Variants in NALF1 observed in about 807,000 individuals in gnomAD.
NALF1 encodes the protein NALCN channel auxiliary factor 1.
A neutral mutation model predicts 48.4 loss-of-function variants in NALF1; 3 were observed. The observed-to-expected ratio is 0.06, with a 90% CI of 0.03 to 0.16. The LOEUF (loss-of-function observed/expected upper bound fraction) is 0.16. NALF1 is among the 10% of genes least tolerant of loss of function. The pLI is 1.00. For synonymous variants in NALF1, 262 were observed against 245.7 expected, an observed-to-expected ratio of 1.07 and a Z score of -0.62; for missense variants, 526 against 571.5, an observed-to-expected ratio of 0.92 and a Z score of 0.81.
chr13:107,298,129 C>T (rs1445376274), intron 1 of NALF1, among the ~76,000 whole-genome samples: 4 of 151,808 alleles, frequency 2.6e-5, no homozygotes, highest in Non-Finnish European at 4.4e-5. Flanking sequence ...GCGGGTGGAA[C>T]ACGAGGTCAG....
intron 1 of NALF1, among the ~76,000 whole-genome samples, chr13:107,733,557 G>A (rs537898628): frequency 6.6e-6 from 1 of 152,014 alleles, no homozygotes; most frequent in Non-Finnish European, 1.5e-5. Context: ...AATAGTCAAA[G>A]AGAGTAACAC....
intron 1 of NALF1, among the ~76,000 whole-genome samples, chr13:107,624,602 T>C (rs908576225): frequency 5.9e-5 from 9 of 152,198 alleles, no homozygotes; most frequent in African/African-American, 2.2e-4. Flanking sequence ...AGCACTTTAA[T>C]ATATAGATGT....
At chr13:107,613,080 T>C (rs1359286458) in intron 1 of NALF1, among the ~76,000 whole-genome samples, 2 of 151,768 alleles carry the variant, frequency 1.3e-5, no homozygotes, top group Non-Finnish European at 2.9e-5. Context: ...GGGATGGGCA[T>C]CAAAGGTGAG....
intron 1 of NALF1, among the ~76,000 whole-genome samples, chr13:107,807,434 G>A (rs77421364): frequency 0.019 from 2,941 of 152,260 alleles, 113 homozygotes; most frequent in African/African-American, 0.068. Flanking sequence ...ACCAATATGT[G>A]AAAATTTTCA....
At chr13:107,753,494 C>CT (rs200846121) in intron 1 of NALF1, among the ~76,000 whole-genome samples, 5,543 of 137,052 alleles carry the variant, frequency 0.04, 276 homozygotes, top group African/African-American at 0.13. Context: ...CCAAGGCAGT[C>CT]TTTTTTTTTT....
chr13:107,666,505 G>A lies in NALF1; in HGVS notation c.915+199177C>T, dbSNP rs146886772. On this transcript the variant is annotated intron_variant, in intron 1 of 2. Coordinates refer to ENST00000375915, the MANE Select transcript of NALF1 (RefSeq NM_001080396.3). ...GTCTGCAGCTAATATAGGTGCCACC[G>A]TTTTGGCACCCACGGGGTGGAAAGT... Among the ~76,000 whole-genome samples the A allele has an allele frequency of 7.6e-3, 1,159 of 152,130 alleles. 18 individuals are homozygous for A. The highest frequency in any genetic ancestry group is 0.027 in the African/African-American group (1,112 of 41,516).
intron 1 of NALF1, among the ~76,000 whole-genome samples, chr13:107,482,695 G>A (rs1003036970): frequency 6.6e-6 from 1 of 152,122 alleles, no homozygotes; most frequent in Non-Finnish European, 1.5e-5. Context: ...TGGGTAAACA[G>A]AAATATATTT....
chr13:107,773,986 T>G (rs1877654921), intron 1 of NALF1, among the ~76,000 whole-genome samples: 1 of 150,084 alleles, frequency 6.7e-6, no homozygotes, highest in Admixed American at 6.7e-5. Flanking sequence ...GATTTCCCCC[T>G]TAAATGATCA....
intron 1 of NALF1, among the ~76,000 whole-genome samples, chr13:107,638,685 G>C (rs974142141): frequency 2.0e-5 from 3 of 152,182 alleles, no homozygotes; most frequent in Admixed American, 1.3e-4. Flanking sequence ...TTCTACAGTA[G>C]AGTCAGGAAG....
chr13:107,304,604 C>A lies in NALF1; in HGVS notation c.916-93849G>T, dbSNP rs117042290. Among the ~76,000 whole-genome samples, 629 of 152,276 alleles carry A rather than the reference C, an allele frequency of 4.1e-3. 3 individuals carry two copies. Among genetic ancestry groups the A allele is most frequent in the Admixed American group, 6.5e-3 (99 of 15,290 alleles). The stretch of plus-strand genomic sequence containing the variant: ...GATCCAAGACCAGAAATTGTATTTT[C>A]TCATTCCTAGTCTACCGCTTCTTAA... On this transcript the variant is annotated intron_variant, in intron 1 of 2. Transcript: ENST00000375915.
chr13:107,685,149 C>T (rs1881404510), intron 1 of NALF1, among the ~76,000 whole-genome samples: 1 of 152,006 alleles, frequency 6.6e-6, no homozygotes, highest in Admixed American at 6.5e-5. Context: ...CCCATGTGTA[C>T]TAAAAATACA....
chr13:107,831,534 A>G (rs2138627428), intron 1 of NALF1, among the ~76,000 whole-genome samples: 1 of 151,664 alleles, frequency 6.6e-6, no homozygotes, highest in South Asian at 2.1e-4. Flanking sequence ...TAAAAAAAGA[A>G]AAAAAAAGAC....
At position 107,726,913 on chromosome 13, in the gene NALF1, T is replaced by TG. The variant is rs1491475476; in HGVS notation, c.915+138768_915+138769insC. ...GACACCACGCCCGGCCGGCAAATTC[T>TG]TGTGTGTGTGTGTGTGTGTGTGTGT... On this transcript the variant is annotated intron_variant, in intron 1 of 2. Transcript: ENST00000375915. Among the ~76,000 whole-genome samples the TG allele has an allele frequency of 1.6e-4, 20 of 126,484 alleles. No individual in the cohort carries two copies. In the East Asian group the frequency reaches 1.9e-3, roughly 12 times the overall value. 83.0% of individuals were successfully genotyped at this position (126,484 alleles called of 152,430 possible). A position where few individuals can be genotyped will look rare whatever the true frequency, so the allele number is the denominator to read the frequency against.
chr13:107,497,414 T>A (rs1236484438), intron 1 of NALF1, among the ~76,000 whole-genome samples: 3 of 152,190 alleles, frequency 2.0e-5, no homozygotes, highest in Admixed American at 1.3e-4. Flanking sequence ...CCTCTGTATA[T>A]CATGATTCAT....
At chr13:107,288,306 G>A (rs866019850) in intron 1 of NALF1, among the ~76,000 whole-genome samples, 4 of 141,522 alleles carry the variant, frequency 2.8e-5, no homozygotes, top group African/African-American at 5.2e-5. Flanking sequence ...TGCAAGCTCC[G>A]CCTCCCGGGT....
intron 1 of NALF1, among the ~76,000 whole-genome samples, chr13:107,785,160 G>T (rs527580829): frequency 4.6e-5 from 7 of 151,626 alleles, no homozygotes; most frequent in Admixed American, 4.6e-4. Context: ...ATATGGTTTT[G>T]TAAGTAAATC....
intron 1 of NALF1, among the ~76,000 whole-genome samples, chr13:107,750,565 T>A (rs976395008): frequency 1.5e-4 from 22 of 151,126 alleles, no homozygotes; most frequent in African/African-American, 4.9e-4. Context: ...ATAATTGATG[T>A]TGGATTTTAT....
chr13:107,170,527 C>A lies in NALF1; in HGVS notation c.1347G>T (p.Thr449=). The stretch of plus-strand genomic sequence containing the variant: ...CCTCATTGGTTGAGTTTTCTTCCAG[C>A]GTGTTGATGCCTCCAAAGCTCAGTC... ...TAGLSFGGIN[T]LEENSTNEE Residue 449 remains threonine, a synonymous_variant, in exon 3 of 3, where the codon ACG becomes ACT. Transcript: ENST00000375915. 1.2e-6 allele frequency: 2 copies of A among 1,605,004 alleles called. No homozygotes were observed. The highest frequency in any genetic ancestry group is 1.3e-5 in the African/African-American group (1 of 74,902).
At chr13:107,643,658 G>C (rs1454570489) in intron 1 of NALF1, among the ~76,000 whole-genome samples, 1 of 150,704 alleles carries the variant, frequency 6.6e-6, no homozygotes, top group Non-Finnish European at 1.5e-5. Flanking sequence ...TTTTCTTAAT[G>C]GTTTTTTAGT....
Sources: gnomAD v4.1 joint callset for allele counts (sites outside exome capture counted in the v4.1 genomes callset) on GRCh38, gnomAD v4.1.1 for gene constraint, MANE v1.5 for transcripts, NCBI Gene and HGNC (gene_info 2026-07-23, HGNC 2026-07-21) for gene names.